Variants in HIP1 observed in about 807,000 individuals in gnomAD.
HIP1 encodes huntingtin interacting protein 1.
In HIP1, 65 loss-of-function variants were observed where a neutral mutation model predicts 147.6. The observed-to-expected ratio is 0.44, with a 90% CI of 0.36 to 0.54. The LOEUF (loss-of-function observed/expected upper bound fraction) is 0.54, where lower values mean the gene tolerates loss of function less well. HIP1 is among the 20% of genes least tolerant of loss of function. The probability of loss-of-function intolerance (pLI) is 0.00; values close to 1 mark genes in which losing one functional copy is unlikely to be tolerated. For synonymous variants in HIP1, 479 were observed against 504.0 expected, an observed-to-expected ratio of 0.95 and a Z score of 0.67; for missense variants, 1,061 against 1,299.6, an observed-to-expected ratio of 0.82 and a Z score of 2.82.
intron 1 of HIP1, among the ~76,000 whole-genome samples, chr7:75,600,081 T>C (rs892783859): frequency 1.3e-5 from 2 of 150,888 alleles, no homozygotes; most frequent in African/African-American, 2.4e-5. Flanking sequence ...CTCAGGTGAT[T>C]TGCGAACCCC....
rs1563205369 is a variant in HIP1, at chr7:75,563,217, G to A, written c.850C>T (p.Arg284Trp). The change falls in exon 10 of 31, where the codon CGG (arginine) becomes TGG (tryptophan). Residue 284 changes from arginine (R) to tryptophan (W), a missense_variant. By Grantham distance (101) the Arg-to-Trp change is moderately radical (BLOSUM62 -3). Transcript: ENST00000336926. ...YRSSNLQYFKRLIQIPQLPEN... is the reference protein window; with the variant it reads ...YRSSNLQYFKWLIQIPQLPEN... ...GGCAGCTGGGGGATCTGAATGAGCCGCTTGAAGTACTGCAGGTTGCTGGAG... is the reference window on the plus strand; with the variant it reads ...GGCAGCTGGGGGATCTGAATGAGCCACTTGAAGTACTGCAGGTTGCTGGAG... 3 of 1,614,184 alleles carry A rather than the reference G, an allele frequency of 1.9e-6. No individual in the cohort carries two copies. Among genetic ancestry groups the A allele is most frequent in the Non-Finnish European group, 2.5e-6 (3 of 1,180,026 alleles).
intron 1 of HIP1, among the ~76,000 whole-genome samples, chr7:75,622,849 TTATCTATCTATCTATCTATCTATC>T (rs57401190): frequency 0.025 from 3,621 of 146,332 alleles, 154 homozygotes; most frequent in African/African-American, 0.079. Flanking sequence ...AAATAAATAA[TTATCTATCTATCTATCTATCTATC>T]TATCTATCTA....
intron 1 of HIP1, among the ~76,000 whole-genome samples, chr7:75,632,669 AT>A (rs1217511414): frequency 2.0e-5 from 3 of 150,392 alleles, no homozygotes; most frequent in African/African-American, 7.3e-5. Flanking sequence ...AAGTGCTGGG[AT>A]TACAGGTGTG....
At chr7:75,591,527 G>C (rs1477465178) in intron 4 of HIP1, among the ~76,000 whole-genome samples, 1 of 151,986 alleles carries the variant, frequency 6.6e-6, no homozygotes, top group Non-Finnish European at 1.5e-5. Flanking sequence ...TTAAGAATTG[G>C]GTATGCTAAT....
intron 1 of HIP1, among the ~76,000 whole-genome samples, chr7:75,710,441 A>G (rs943145446): frequency 2.0e-5 from 3 of 152,194 alleles, no homozygotes; most frequent in African/African-American, 7.2e-5. Context: ...TTTTACATCA[A>G]TGTTTATAAG....
At chr7:75,567,172 T>G (rs1344301883) in intron 9 of HIP1, among the ~76,000 whole-genome samples, 4 of 140,270 alleles carry the variant, frequency 2.9e-5, no homozygotes, top group South Asian at 4.6e-4. Context: ...TTTTTTTTTG[T>G]TTTTTTTTTT....
intron 1 of HIP1, among the ~76,000 whole-genome samples, chr7:75,690,182 G>C (rs1800400654): frequency 6.6e-6 from 1 of 152,098 alleles, no homozygotes; most frequent in South Asian, 2.1e-4. Flanking sequence ...GGAGGCTGGG[G>C]TTGGAAGATC....
chr7:75,658,950 A>G (rs1346827703), intron 1 of HIP1, among the ~76,000 whole-genome samples: 3 of 152,116 alleles, frequency 2.0e-5, no homozygotes, highest in African/African-American at 7.2e-5. Flanking sequence ...ACAGGAAGAA[A>G]GCAAACTAAG....
chr7:75,621,481 C>G (rs1471548094), intron 1 of HIP1, among the ~76,000 whole-genome samples: 1 of 152,148 alleles, frequency 6.6e-6, no homozygotes, highest in Non-Finnish European at 1.5e-5. Flanking sequence ...GTCTTGAACT[C>G]CTGGCCCCAA....
chr7:75,546,600 C>T (rs1181394754), intron 25 of HIP1, among the ~76,000 whole-genome samples: 1 of 152,196 alleles, frequency 6.6e-6, no homozygotes, highest in Non-Finnish European at 1.5e-5. Context: ...CTGTGAAAAG[C>T]CAGTCTCAAG....
intron 1 of HIP1, among the ~76,000 whole-genome samples, chr7:75,726,138 C>T (rs767844573): frequency 6.6e-5 from 10 of 152,182 alleles, no homozygotes; most frequent in Non-Finnish European, 1.5e-4. Context: ...GCCACCGCGC[C>T]CAGCTGTGCT....
chr7:75,535,769 T>A lies in HIP1; in HGVS notation c.*2403A>T, dbSNP rs1794060911. ...TCTTGTTGCCCAGGCTGGAGTACAA[T>A]GGCGTGATCTCAGCTCACTGCAACC... On this transcript the variant is annotated 3_prime_UTR_variant, in exon 31 of 31. Transcript: ENST00000336926. The A allele has an allele frequency of 5.8e-6, 1 of 171,798 alleles. No homozygotes were observed. Among genetic ancestry groups the A allele is most frequent in the Non-Finnish European group, 1.3e-5 (1 of 79,516 alleles). The allele number at this position is 171,798 out of a possible 1,614,324, so 10.6% of individuals were successfully genotyped here.
intron 1 of HIP1, among the ~76,000 whole-genome samples, chr7:75,652,079 G>T (rs1799012438): frequency 6.6e-6 from 1 of 151,356 alleles, no homozygotes; most frequent in South Asian, 2.1e-4. Flanking sequence ...AATTTGGGAG[G>T]CCAAGGCAGG....
chr7:75,617,894 G>T (rs1797722695), intron 1 of HIP1, among the ~76,000 whole-genome samples: 1 of 152,232 alleles, frequency 6.6e-6, no homozygotes, highest in South Asian at 2.1e-4. Flanking sequence ...CACTGGTTGG[G>T]CAAGTCACCC....
chr7:75,623,589 G>C (rs1164371393), intron 1 of HIP1, among the ~76,000 whole-genome samples: 2 of 152,174 alleles, frequency 1.3e-5, no homozygotes, highest in Non-Finnish European at 2.9e-5. Context: ...GGTCAGGGCT[G>C]AGAGCTCAGG....
At chr7:75,606,102 A>G (rs964290652) in intron 1 of HIP1, among the ~76,000 whole-genome samples, 4 of 152,098 alleles carry the variant, frequency 2.6e-5, no homozygotes, top group Admixed American at 2.0e-4. Flanking sequence ...TATTGCTTCA[A>G]CCTCCTAAAG....
intron 1 of HIP1, 83 bp downstream of exon 1, chr7:75,738,718 G>A (rs1384718822): frequency 2.0e-6 from 3 of 1,469,944 alleles, no homozygotes; most frequent in Non-Finnish European, 1.8e-6. Flanking sequence ...GGGCCTGCAA[G>A]ACTCCTACTC....
At chr7:75,544,352 C>T (rs1794452198) in intron 27 of HIP1, among the ~76,000 whole-genome samples, 1 of 152,134 alleles carries the variant, frequency 6.6e-6, no homozygotes, top group African/African-American at 2.4e-5. Context: ...CCTAAGTAGT[C>T]TCTAACCTAG....
intron 16 of HIP1, 100 bp downstream of exon 16, chr7:75,557,554 C>A (rs1388763212): frequency 1.4e-5 from 12 of 845,524 alleles, no homozygotes; most frequent in South Asian, 5.5e-5. Flanking sequence ...TGATGCCAAC[C>A]GACCCACAGA....
Sources: allele counts gnomAD v4.1 joint callset (sites outside exome capture counted in the v4.1 genomes callset), GRCh38; gene constraint gnomAD v4.1.1; transcripts MANE v1.5; gene names NCBI Gene and HGNC (gene_info 2026-07-23, HGNC 2026-07-21).